Variants in EGFR observed in about 807,000 individuals in gnomAD.
EGFR encodes avian erythroblastic leukemia viral (v-erb-b) oncogene homolog.
Under a neutral mutation model 143.0 loss-of-function variants are expected in EGFR, and 58 were observed. The observed-to-expected ratio is 0.41, with a 90% confidence interval of 0.33 to 0.50. The LOEUF (loss-of-function observed/expected upper bound fraction) is 0.50. Among genes scored for constraint, EGFR ranks in the 20% least tolerant of loss-of-function variants. The probability of loss-of-function intolerance (pLI) is 0.39; values close to 1 mark genes in which losing one functional copy is unlikely to be tolerated. For synonymous variants in EGFR, 613 were observed against 594.4 expected (o/e 1.03, Z -0.45); for missense variants, 1,307 against 1,579.0 (o/e 0.83, Z 2.92).
chr7:55,116,155 C>T (rs1006246276), intron 1 of EGFR, among the ~76,000 whole-genome samples: 4 of 152,164 alleles, frequency 2.6e-5, no homozygotes, highest in African/African-American at 9.7e-5. Context: ...TTGACAACAT[C>T]GATTCAAAAA....
Position 55,075,191 on chromosome 7 carries a change from T to TAA in EGFR, c.88+55842_88+55843dup, listed in dbSNP as rs36085258. 7.0e-4 allele frequency among the ~76,000 whole-genome samples: 94 copies of TAA among 134,924 alleles called. 2 individuals carry two copies. The South Asian group carries it at 0.012, about 17-fold the overall frequency. The allele number at this position is 134,924 out of a possible 152,430, so 88.5% of individuals were successfully genotyped here. A position where few individuals can be genotyped will look rare whatever the true frequency, so the allele number is the denominator to read the frequency against. On this transcript the variant is annotated intron_variant, in intron 1 of 27. Transcript: ENST00000275493. ...AGCAAATTAAAGTTGAAGCAGGAGC[T>TAA]AAAAAAAAAAAAAAAAATGTTTCAA...
At chr7:55,165,857 G>C (rs1320515891) in intron 15 of EGFR, among the ~76,000 whole-genome samples, 2 of 152,208 alleles carry the variant, frequency 1.3e-5, no homozygotes, top group Non-Finnish European at 2.9e-5. Flanking sequence ...AAAGCTAGTT[G>C]ATTGTTAAGC....
intron 1 of EGFR, among the ~76,000 whole-genome samples, chr7:55,046,919 G>A (rs1187350315): frequency 6.6e-6 from 1 of 152,274 alleles, no homozygotes; most frequent in East Asian, 1.9e-4. Flanking sequence ...TAATAGTACA[G>A]TTCTTACTCT....
At chr7:55,095,979 G>A (rs1398092482) in intron 1 of EGFR, among the ~76,000 whole-genome samples, 1 of 150,308 alleles carries the variant, frequency 6.7e-6, no homozygotes, top group Non-Finnish European at 1.5e-5. Context: ...ACAGACACGG[G>A]CACACACAGA....
chr7:55,168,609 A>C, intron 15 of EGFR: 1 of 1,602,810 alleles, frequency 6.2e-7, no homozygotes, highest in Non-Finnish European at 8.5e-7. Flanking sequence ...CTTTGCTTCA[A>C]ATAAAGTCCT....
At chr7:55,176,851 T>C (rs1299896951) in intron 19 of EGFR, among the ~76,000 whole-genome samples, 1 of 146,298 alleles carries the variant, frequency 6.8e-6, no homozygotes, top group Non-Finnish European at 1.5e-5. Context: ...TTTAGAGAGA[T>C]ATATATTTAG....
At chr7:55,143,109 G>T (rs539994353) in intron 2 of EGFR, among the ~76,000 whole-genome samples, 196 bp from the exon 3 acceptor site, 1 of 152,336 alleles carries the variant, frequency 6.6e-6, no homozygotes, top group East Asian at 1.9e-4. Flanking sequence ...AGGCTAACGT[G>T]CAGGGATTGT....
At chr7:55,134,397 G>T (rs1794024311) in intron 1 of EGFR, among the ~76,000 whole-genome samples, 1 of 152,152 alleles carries the variant, frequency 6.6e-6, no homozygotes, top group South Asian at 2.1e-4. Flanking sequence ...ACACAGTGAG[G>T]CCCACCCCAG....
At chr7:55,106,990 A>T (rs1325277037) in intron 1 of EGFR, among the ~76,000 whole-genome samples, 3 of 152,182 alleles carry the variant, frequency 2.0e-5, no homozygotes, top group Non-Finnish European at 4.4e-5. Flanking sequence ...ATATATTGCC[A>T]ACTTTGTGCC....
At chr7:55,144,837 C>T (rs1370084345) in intron 3 of EGFR, among the ~76,000 whole-genome samples, 1 of 152,200 alleles carries the variant, frequency 6.6e-6, no homozygotes, top group Non-Finnish European at 1.5e-5. Context: ...CTCGGGAGCA[C>T]ATTCTCCAAT....
chr7:55,162,973 G>A (rs917933337), intron 13 of EGFR, among the ~76,000 whole-genome samples: 5 of 152,180 alleles, frequency 3.3e-5, no homozygotes, highest in Non-Finnish European at 7.3e-5. Flanking sequence ...TGTAGTTTTA[G>A]TAGAGACGGG....
chr7:55,205,559 C>T lies in EGFR; in HGVS notation c.3575C>T (p.Ala1192Val), dbSNP rs1480173156. 3.1e-6 allele frequency: 5 copies of T among 1,614,194 alleles called. No homozygotes were observed. The Admixed American group carries it at 8.3e-5, about 27-fold the overall frequency. ...AATGGCATCTTTAAGGGCTCCACAGCTGAAAATGCAGAATACCTAAGGGTC... is the reference window on the plus strand; with the variant it reads ...AATGGCATCTTTAAGGGCTCCACAGTTGAAAATGCAGAATACCTAAGGGTC... Reference protein sequence around the residue: ...KPNGIFKGSTAENAEYLRVAP... With the variant: ...KPNGIFKGSTVENAEYLRVAP... Residue 1192 changes from alanine (A) to valine (V), a missense_variant, in exon 28 of 28, where the codon GCT becomes GTT. By Grantham distance (64) the Ala-to-Val change is moderately conservative (BLOSUM62 0). This residue lies in a region of EGFR where 313 missense variants were observed against 312.3 expected (regional missense o/e 1.00). Transcript: ENST00000275493.
At chr7:55,132,172 T>C (rs971138456) in intron 1 of EGFR, among the ~76,000 whole-genome samples, 5 of 152,076 alleles carry the variant, frequency 3.3e-5, no homozygotes, top group African/African-American at 9.7e-5. Flanking sequence ...TGGGTAAAAA[T>C]TGAAGAAAAA....
At position 55,146,721 on chromosome 7, in the gene EGFR, C is replaced by A. The variant is rs974428039; in HGVS notation, c.540C>A (p.Phe180Leu). 1 of 1,614,192 alleles carries A rather than the reference C, an allele frequency of 6.2e-7. No individual in the cohort carries two copies. Among genetic ancestry groups the A allele is most frequent in the Non-Finnish European group, 8.5e-7 (1 of 1,180,030 alleles). ...TTCTCAGCAACATGTCGATGGACTT[C>A]CAGAACCACCTGGGCAGCTGTAAGT... ...SDFLSNMSMD[F>L]QNHLGSCQKC... The change falls in exon 4 of 28, where the codon TTC becomes TTA. Residue 180 changes from phenylalanine to leucine, a missense_variant. Physicochemically the swap from Phe to Leu is conservative, Grantham distance 22 (BLOSUM62 0). Coordinates refer to ENST00000275493, the MANE Select transcript of EGFR (RefSeq NM_005228.5).
chr7:55,189,098 ATG>A (rs10540696), intron 20 of EGFR, among the ~76,000 whole-genome samples: 4,617 of 150,518 alleles, frequency 0.031, 206 homozygotes, highest in African/African-American at 0.097. Flanking sequence ...CTCACACATA[ATG>A]TGTGTGTGTG....
chr7:55,112,913 G>A (rs945813418), intron 1 of EGFR, among the ~76,000 whole-genome samples: 1 of 152,176 alleles, frequency 6.6e-6, no homozygotes, highest in African/African-American at 2.4e-5. Flanking sequence ...TCCAGCCTTT[G>A]TCTTTTATAA....
At chr7:55,098,495 GA>G (rs930502437) in intron 1 of EGFR, among the ~76,000 whole-genome samples, 16 of 150,146 alleles carry the variant, frequency 1.1e-4, no homozygotes, top group African/African-American at 3.7e-4. Flanking sequence ...GTTGTTAAAT[GA>G]AAAAAAAACC....
rs1788213246 is a variant in EGFR at position 55,210,504 on chromosome 7, G to C, written c.*4887G>C. ...ATTCGTAGTTTTTAAAGCTCCTGAG[G>C]TCATTCCAATGTGCGGCCAAAGTTG... On this transcript the variant is annotated 3_prime_UTR_variant, in exon 28 of 28. Transcript: ENST00000275493. 6.6e-6 allele frequency: 1 copy of C among 152,096 alleles called. No homozygotes were observed. The highest frequency in any genetic ancestry group is 2.1e-4 in the South Asian group (1 of 4,824). 9.4% of individuals were successfully genotyped at this position (152,096 alleles called of 1,614,324 possible). A position where few individuals can be genotyped will look rare whatever the true frequency, so the allele number is the denominator to read the frequency against.
intron 1 of EGFR, among the ~76,000 whole-genome samples, chr7:55,043,189 A>G (rs887824241): frequency 1.3e-5 from 2 of 152,186 alleles, no homozygotes; most frequent in African/African-American, 4.8e-5. Flanking sequence ...TTGTGAATCA[A>G]GTTAATAGAT....
Sources: gnomAD v4.1 joint callset for allele counts (sites outside exome capture counted in the v4.1 genomes callset) on GRCh38, gnomAD v4.1.1 for gene constraint, gnomAD v4.1.1 regional missense constraint, MANE v1.5 for transcripts, NCBI Gene and HGNC (gene_info 2026-07-23, HGNC 2026-07-21) for gene names.